NUP210L: variants seen among roughly 807,000 people sequenced by gnomAD.
The protein encoded by NUP210L is nucleoporin 210 like.
A neutral mutation model predicts 208.5 loss-of-function variants in NUP210L; 74 were observed. The ratio of observed to expected loss-of-function variants is 0.35; its 90% CI spans 0.29 to 0.43. The LOEUF is 0.43. NUP210L is among the 20% of genes least tolerant of loss of function. NUP210L has a pLI of 1.00. For missense variants in NUP210L, 1,843 were observed against 2,289.4 expected, an observed-to-expected ratio of 0.81 and a Z score of 3.98; for synonymous variants, 780 against 816.9, an observed-to-expected ratio of 0.95 and a Z score of 0.77.
At chr1:154,008,027 A>C (rs1382937822) in intron 35 of NUP210L, among the ~76,000 whole-genome samples, 1 of 151,578 alleles carries the variant, frequency 6.6e-6, no homozygotes, top group African/African-American at 2.4e-5. Flanking sequence ...GCCTGCCACC[A>C]TGCCTGGCTA....
intron 29 of NUP210L, among the ~76,000 whole-genome samples, chr1:154,026,083 T>G (rs1243297383): frequency 6.8e-6 from 1 of 147,354 alleles, no homozygotes; most frequent in African/African-American, 2.5e-5. Context: ...AAAAAAAAAA[T>G]TTTTAGCTGG....
intron 10 of NUP210L, among the ~76,000 whole-genome samples, chr1:154,124,046 G>T (rs573720011): frequency 6.6e-6 from 1 of 151,500 alleles, no homozygotes; most frequent in East Asian, 2.0e-4. Flanking sequence ...AATTAGCCGG[G>T]CGTGGTGGCA....
At chr1:154,075,671 CA>C (rs1165309334) in intron 16 of NUP210L, among the ~76,000 whole-genome samples, 1 of 151,714 alleles carries the variant, frequency 6.6e-6, no homozygotes, top group East Asian at 1.9e-4. Context: ...GAGTTTTTAA[CA>C]AAAGATTATT....
At chr1:153,996,313 A>G (rs1649864197) in intron 37 of NUP210L, among the ~76,000 whole-genome samples, 1 of 151,974 alleles carries the variant, frequency 6.6e-6, no homozygotes, top group African/African-American at 2.4e-5. Context: ...AACAAACAAA[A>G]ACATGCTGTT....
intron 13 of NUP210L, among the ~76,000 whole-genome samples, chr1:154,101,409 G>A (rs544789790): frequency 1.5e-4 from 23 of 152,088 alleles, no homozygotes; most frequent in Admixed American, 5.2e-4. Flanking sequence ...CCCCGGAGGC[G>A]GAGGTTGCAG....
chr1:154,125,625 G>C, intron 10 of NUP210L, among the ~76,000 whole-genome samples: 1 of 666 alleles, frequency 1.5e-3, no homozygotes, highest in African/African-American at 2.3e-3. Context: ...CTCTCTGAAA[G>C]GAAGGAAGGA....
intron 14 of NUP210L, among the ~76,000 whole-genome samples, chr1:154,095,749 T>C (rs1454229298): frequency 1.3e-5 from 2 of 152,196 alleles, no homozygotes; most frequent in Admixed American, 6.5e-5. Flanking sequence ...CCTAAAAATA[T>C]AAAAATAATA....
intron 2 of NUP210L, among the ~76,000 whole-genome samples, chr1:154,149,581 C>T (rs534992088): frequency 6.6e-6 from 1 of 152,168 alleles, no homozygotes; most frequent in East Asian, 1.9e-4. Context: ...TGGTGGTGCC[C>T]CCCTGTAGTC....
chr1:154,074,125 T>C (rs1654919882), intron 16 of NUP210L, among the ~76,000 whole-genome samples: 1 of 152,072 alleles, frequency 6.6e-6, no homozygotes, highest in South Asian at 2.1e-4. Flanking sequence ...GATTATCTGC[T>C]GAAGGTGGTG....
chr1:154,024,705 A>AT (rs1651757986), intron 30 of NUP210L, among the ~76,000 whole-genome samples: 3 of 85,320 alleles, frequency 3.5e-5, no homozygotes, highest in Admixed American at 1.4e-4. Context: ...TTTTTTTTTC[A>AT]TTTTTTGTAG....
chr1:154,139,504 A>AT (rs766198198), intron 5 of NUP210L, among the ~76,000 whole-genome samples: 3 of 152,024 alleles, frequency 2.0e-5, no homozygotes, highest in Non-Finnish European at 4.4e-5. Context: ...AAAAAACTAT[A>AT]TTTTCCATAG....
At chr1:154,091,210 CT>C (rs1489769163) in intron 15 of NUP210L, among the ~76,000 whole-genome samples, 1 of 151,354 alleles carries the variant, frequency 6.6e-6, no homozygotes, top group Non-Finnish European at 1.5e-5. Context: ...ATTCTTGTGA[CT>C]CATCCTCCTG....
chr1:154,138,361 T>A (rs552056365), intron 5 of NUP210L, 123 bp from the exon 6 acceptor site: 14 of 815,846 alleles, frequency 1.7e-5, no homozygotes, highest in East Asian at 3.4e-5. Flanking sequence ...AAGATTTTTT[T>A]AAAAGCTTTC....
At chr1:154,137,764 T>C (rs1487043474) in intron 6 of NUP210L, among the ~76,000 whole-genome samples, 1 of 152,146 alleles carries the variant, frequency 6.6e-6, no homozygotes, top group Non-Finnish European at 1.5e-5. Context: ...TCTTGCTCTG[T>C]TGCCTAGATT....
At chr1:154,146,875 G>A (rs1257195088) in intron 2 of NUP210L, among the ~76,000 whole-genome samples, 2 of 152,046 alleles carry the variant, frequency 1.3e-5, no homozygotes, top group African/African-American at 2.4e-5. Context: ...CGAGGCTGGA[G>A]AGCAGTGGCA....
In NUP210L at chr1:154,058,700, G is replaced by A. The variant is rs1329556957; in HGVS notation, c.2851-7C>T. The stretch of plus-strand genomic sequence containing the variant: ...CAGGATGTAATGGAACTAACTGGAA[G>A]TAAGAAGATGGTAGCTGGATAAAGA... On this transcript the variant is annotated splice_region_variant and splice_polypyrimidine_tract_variant and intron_variant, in intron 20 of 39. Transcript: ENST00000368559. 5.6e-6 allele frequency: 9 copies of A among 1,612,180 alleles called. No homozygotes were observed. The highest frequency in any genetic ancestry group is 8.5e-7 in the Non-Finnish European group (1 of 1,179,108).
At chr1:154,026,776 T>G (rs1651897775) in intron 29 of NUP210L, among the ~76,000 whole-genome samples, 1 of 152,110 alleles carries the variant, frequency 6.6e-6, no homozygotes, top group Admixed American at 6.6e-5. Flanking sequence ...AAAAACATTA[T>G]GCTAACTTAA....
intron 33 of NUP210L, among the ~76,000 whole-genome samples, chr1:154,017,029 C>A (rs546931370): frequency 6.6e-6 from 1 of 152,032 alleles, no homozygotes; most frequent in South Asian, 2.1e-4. Flanking sequence ...GCCTATAATC[C>A]CAGCAATCTG....
exon 25 of NUP210L, chr1:154,054,336 A>G: frequency 6.2e-7 from 1 of 1,614,174 alleles, no homozygotes; most frequent in Non-Finnish European, 8.5e-7. Flanking sequence ...TCCTATTAAC[A>G]ACAGCCACGG....
Sources: gnomAD v4.1 joint callset for allele counts (sites outside exome capture counted in the v4.1 genomes callset) on GRCh38, gnomAD v4.1.1 for gene constraint, MANE v1.5 for transcripts, NCBI Gene and HGNC (gene_info 2026-07-23, HGNC 2026-07-21) for gene names.